Variants in SLC30A9 observed in about 807,000 individuals in gnomAD.
SLC30A9 encodes proton-coupled zinc antiporter SLC30A9, mitochondrial.
SLC30A9 carries 58 observed loss-of-function variants against 87.5 expected under a neutral mutation model. That is an observed-to-expected ratio of 0.66 (90% confidence interval 0.54 to 0.82). SLC30A9 has a LOEUF of 0.82. Ranked by LOEUF, SLC30A9 falls within the 40% of genes least tolerant of loss-of-function variation. The pLI is 0.00. For missense variants in SLC30A9, 557 were observed against 679.1 expected (o/e 0.82, Z 2.00); for synonymous variants, 234 against 233.0 (o/e 1.00, Z -0.04).
intron 8 of SLC30A9, among the ~76,000 whole-genome samples, chr4:42,047,771 C>G (rs1197174773): frequency 6.6e-6 from 1 of 152,184 alleles, no homozygotes; most frequent in African/African-American, 2.4e-5. Context: ...TATAAAGACA[C>G]ATGCACGTGT....
At chr4:42,076,405 C>T (rs1718552325) in intron 16 of SLC30A9, among the ~76,000 whole-genome samples, 1 of 152,058 alleles carries the variant, frequency 6.6e-6, no homozygotes, top group Admixed American at 6.6e-5. Context: ...GAATTTGGTA[C>T]CTGTCTTTTC....
In SLC30A9 at chr4:42,038,948, T is replaced by G. The variant is rs773734963; in HGVS notation, c.670-38T>G. 4 of 1,542,616 alleles carry G rather than the reference T, an allele frequency of 2.6e-6. No individual in the cohort carries two copies. The Admixed American group carries it at 6.7e-5, about 26-fold the overall frequency. On this transcript the variant is annotated intron_variant, in intron 7 of 17. Coordinates refer to ENST00000264451, the MANE Select transcript of SLC30A9 (RefSeq NM_006345.4). Reference sequence around the variant, plus strand: ...CCAGTTACAGTGCTTCTCTGCAAAATTTTGGAGGTATTAAAAAAAGTTTTT... The same window carrying G: ...CCAGTTACAGTGCTTCTCTGCAAAAGTTTGGAGGTATTAAAAAAAGTTTTT...
rs184399531 is a variant in SLC30A9, at chr4:42,080,212, G to C, written c.1662+1887G>C. Among the ~76,000 whole-genome samples the C allele has an allele frequency of 1.8e-3, 270 of 152,256 alleles. 2 individuals carry two copies. The highest frequency in any genetic ancestry group is 0.014 in the Middle Eastern group (4 of 294). On this transcript the variant is annotated intron_variant, in intron 17 of 17. Coordinates refer to ENST00000264451, the MANE Select transcript of SLC30A9 (RefSeq NM_006345.4). ...TCTCATATGCTACTTGTGAAGGTAG[G>C]GGGCACAGTCTACAAGACTGTCCTT... is the stretch of plus-strand genomic sequence containing the variant.
intron 12 of SLC30A9, 84 bp from the exon 13 acceptor site, chr4:42,066,466 T>G: frequency 2.6e-6 from 2 of 781,470 alleles, no homozygotes; most frequent in East Asian, 5.2e-5. Context: ...ATGTTGTGCT[T>G]ATTTGTTTAT....
At chr4:41,997,033 C>CAAATAAAT (rs71650957) in intron 1 of SLC30A9, among the ~76,000 whole-genome samples, 4,728 of 140,866 alleles carry the variant, frequency 0.034, 114 homozygotes, top group Admixed American at 0.05. Flanking sequence ...GACTCCATCT[C>CAAATAAAT]AAATAAATAA....
At chr4:42,033,732 T>C (rs1025114795) in intron 6 of SLC30A9, among the ~76,000 whole-genome samples, 17 of 152,136 alleles carry the variant, frequency 1.1e-4, no homozygotes, top group East Asian at 7.7e-4. Context: ...CATGCCACCA[T>C]GCCTGGCTAA....
At position 42,023,442 on chromosome 4, in the gene SLC30A9, G is replaced by C. The variant is rs370882848; in HGVS notation, c.610+58G>C. 9.0e-6 allele frequency: 10 copies of C among 1,108,588 alleles called. No homozygotes were observed. In the African/African-American group the frequency reaches 1.4e-4, roughly 15 times the overall value. 68.7% of individuals were successfully genotyped at this position (1,108,588 alleles called of 1,614,324 possible). A position where few individuals can be genotyped will look rare whatever the true frequency, so the allele number is the denominator to read the frequency against. On this transcript the variant is annotated intron_variant, in intron 6 of 17. Transcript: ENST00000264451. The stretch of plus-strand genomic sequence containing the variant: ...GAAAAATAACTTGTAGATGAGAACT[G>C]TATCTGTAAGAACTCTCTAGTGCTA...
rs1180421350 is a variant in SLC30A9 at position 42,021,917 on chromosome 4, ATTTTTT to A, written c.435-897_435-892del. Reference sequence around the variant, plus strand: ...GGCTGTGCGCCACCACGCCTGGCTAATTTTTTTTTTTTTTTTTTTTTTTTTTTTTGA... The same window carrying A: ...GGCTGTGCGCCACCACGCCTGGCTAATTTTTTTTTTTTTTTTTTTTTTTGA... On this transcript the variant is annotated intron_variant, in intron 4 of 17. Transcript: ENST00000264451. Among the ~76,000 whole-genome samples, 231 of 39,942 alleles carry A rather than the reference ATTTTTT, an allele frequency of 5.8e-3. 4 individuals are homozygous for A. Among genetic ancestry groups the A allele is most frequent in the African/African-American group, 0.014 (223 of 15,478 alleles). 26.2% of individuals were successfully genotyped at this position (39,942 alleles called of 152,430 possible).
intron 9 of SLC30A9, among the ~76,000 whole-genome samples, chr4:42,056,809 A>G (rs1482097666): frequency 3.3e-5 from 5 of 152,172 alleles, no homozygotes; most frequent in Admixed American, 1.3e-4. Flanking sequence ...CCTGGATACA[A>G]TGAGGGTACA....
At position 42,063,077 on chromosome 4, in the gene SLC30A9, G is replaced by T; in HGVS notation, c.988G>T (p.Val330Phe). The T allele has an allele frequency of 6.2e-7, 1 of 1,613,750 alleles. No individual in the cohort carries two copies. Among genetic ancestry groups the T allele is most frequent in the Non-Finnish European group, 8.5e-7 (1 of 1,179,722 alleles). ...MGAGLSWYHG[V>F]MGLLHPQPIE... ...TGCAGGACTATCTTGGTACCATGGA[G>T]TCATGGGATTGCTTCATCCTCAACC... Residue 330 changes from valine to phenylalanine, a missense_variant, in exon 11 of 18, where the codon GTC (valine) becomes TTC (phenylalanine). By Grantham distance (50) the Val-to-Phe change is conservative. Coordinates refer to ENST00000264451, the MANE Select transcript of SLC30A9 (RefSeq NM_006345.4).
intron 1 of SLC30A9, 76 bp from the exon 2 acceptor site, chr4:42,001,540 G>A (rs1714983642): frequency 3.5e-6 from 3 of 858,924 alleles, no homozygotes; most frequent in South Asian, 2.0e-5. Flanking sequence ...AAACACCTCT[G>A]GAGAGGGTGG....
At chr4:42,039,554 C>T (rs1716833266) in intron 8 of SLC30A9, among the ~76,000 whole-genome samples, 1 of 151,758 alleles carries the variant, frequency 6.6e-6, no homozygotes, top group South Asian at 2.1e-4. Context: ...TCTCTGCCTC[C>T]CGGGTTCAAG....
chr4:41,998,071 G>A (rs144055661), intron 1 of SLC30A9, among the ~76,000 whole-genome samples: 25 of 152,296 alleles, frequency 1.6e-4, no homozygotes, highest in Non-Finnish European at 2.6e-4. Flanking sequence ...GTTGTTATTC[G>A]TAGCCTAAAA....
At chr4:42,076,500 A>G (rs1718555292) in intron 16 of SLC30A9, among the ~76,000 whole-genome samples, 2 of 152,102 alleles carry the variant, frequency 1.3e-5, no homozygotes, top group Non-Finnish European at 2.9e-5. Flanking sequence ...ATGGTATCCT[A>G]CTGTATGCGT....
At chr4:42,081,184 A>G (rs1718729052) in intron 17 of SLC30A9, among the ~76,000 whole-genome samples, 1 of 152,244 alleles carries the variant, frequency 6.6e-6, no homozygotes, top group South Asian at 2.1e-4. Flanking sequence ...TAAGCAATCA[A>G]AGAAGTACTT....
At chr4:42,044,386 C>CAAAAAAAAAA (rs57572080) in intron 8 of SLC30A9, among the ~76,000 whole-genome samples, 7 of 98,712 alleles carry the variant, frequency 7.1e-5, no homozygotes, top group African/African-American at 2.6e-4. Context: ...AAATGGAAAG[C>CAAAAAAAAAA]AAAAAAAAAA....
At chr4:41,997,176 C>A (rs979961792) in intron 1 of SLC30A9, among the ~76,000 whole-genome samples, 4 of 149,746 alleles carry the variant, frequency 2.7e-5, no homozygotes, top group Non-Finnish European at 5.9e-5. Flanking sequence ...AAAAAAGATT[C>A]TCTGTTTTTT....
chr4:42,070,639 C>T lies in SLC30A9; in HGVS notation c.1366C>T (p.Pro456Ser). The change falls in exon 15 of 18, where the codon CCA becomes TCA. Residue 456 changes from proline (P) to serine (S), a missense_variant. Physicochemically the swap from Pro to Ser is moderately conservative, Grantham distance 74 (BLOSUM62 -1). This residue lies in a region of SLC30A9 where 90 missense variants were observed against 149.4 expected (regional missense o/e 0.60). Transcript: ENST00000264451. ...TEALLGRSIQ[P>S]EQVQRLTELL... ...AGCACTCTTAGGGCGGTCCATCCAG[C>T]CAGAACAAGTACAACGGCTCACTGA... 6.2e-7 allele frequency: 1 copy of T among 1,613,958 alleles called. No individual in the cohort carries two copies. Among genetic ancestry groups the T allele is most frequent in the Non-Finnish European group, 8.5e-7 (1 of 1,179,916 alleles).
intron 2 of SLC30A9, among the ~76,000 whole-genome samples, chr4:42,002,381 G>A (rs1319955338): frequency 6.6e-6 from 1 of 151,828 alleles, no homozygotes; most frequent in African/African-American, 2.4e-5. Flanking sequence ...CACCCAGATA[G>A]TCAGCATAGT....
Sources: gnomAD v4.1 joint callset for allele counts (sites outside exome capture counted in the v4.1 genomes callset) on GRCh38, gnomAD v4.1.1 for gene constraint, gnomAD v4.1.1 regional missense constraint, MANE v1.5 for transcripts, NCBI Gene and HGNC (gene_info 2026-07-23, HGNC 2026-07-21) for gene names.